The following ZNRF3 variants were observed in gnomAD, a reference collection of about 807,000 sequenced individuals.
ZNRF3 encodes zinc and ring finger 3.
Under a neutral mutation model 72.5 loss-of-function variants are expected in ZNRF3, and 23 were observed. That is an observed-to-expected ratio of 0.32 (90% CI 0.23 to 0.45). The LOEUF (loss-of-function observed/expected upper bound fraction) is 0.45, where lower values mean the gene tolerates loss of function less well. ZNRF3 is among the 20% of genes least tolerant of loss of function. The pLI is 1.00. For missense variants in ZNRF3, 1,169 were observed against 1,272.1 expected (o/e 0.92, Z 1.23); for synonymous variants, 610 against 545.3 (o/e 1.12, Z -1.65).
At chr22:28,987,653 A>G (rs1055868623) in intron 2 of ZNRF3, among the ~76,000 whole-genome samples, 10 of 152,226 alleles carry the variant, frequency 6.6e-5, no homozygotes, top group Non-Finnish European at 1.0e-4. Context: ...AACCAAACAC[A>G]TTCACATTTG....
intron 6 of ZNRF3, among the ~76,000 whole-genome samples, chr22:29,047,158 G>A (rs1029813773): frequency 2.6e-5 from 4 of 152,184 alleles, no homozygotes; most frequent in Non-Finnish European, 5.9e-5. Flanking sequence ...TTGGGAGGCT[G>A]AGGTGGAAGG....
At chr22:29,006,051 T>C (rs527367723) in intron 2 of ZNRF3, among the ~76,000 whole-genome samples, 2 of 151,258 alleles carry the variant, frequency 1.3e-5, no homozygotes, top group African/African-American at 2.4e-5. Context: ...AAAAAAAGAC[T>C]GTCCTCTGAA....
intron 1 of ZNRF3, among the ~76,000 whole-genome samples, chr22:28,940,681 A>G (rs1044369429): frequency 2.0e-5 from 3 of 152,096 alleles, no homozygotes; most frequent in Non-Finnish European, 4.4e-5. Flanking sequence ...CTCAACCTTC[A>G]GAAGGTTCAA....
At chr22:29,017,454 T>A (rs1001838969) in intron 2 of ZNRF3, among the ~76,000 whole-genome samples, 6 of 152,176 alleles carry the variant, frequency 3.9e-5, no homozygotes, top group Admixed American at 3.9e-4. Context: ...ATTTTTAAAT[T>A]GCAGGGAGGA....
chr22:29,049,769 A>T lies in ZNRF3; in HGVS notation c.1588A>T (p.Ser530Cys), dbSNP rs1374974176. 1 of 1,597,236 alleles carries T rather than the reference A, an allele frequency of 6.3e-7. No homozygotes were observed. Among genetic ancestry groups the T allele is most frequent in the African/African-American group, 1.3e-5 (1 of 74,666 alleles). ...HLESGSTSSF[S>C]CYHGHRSVCS... ...GGAGAGCGGCAGCACGTCCAGCTTCAGCTGCTATCACGGCCACCGCTCGGT... is the reference window on the plus strand; with the variant it reads ...GGAGAGCGGCAGCACGTCCAGCTTCTGCTGCTATCACGGCCACCGCTCGGT... Residue 530 changes from serine (S) to cysteine (C), a missense_variant, in exon 8 of 9, where the codon AGC (serine) becomes TGC (cysteine). Ser to Cys is a moderately radical substitution (Grantham distance 112, BLOSUM62 -1). Coordinates refer to ENST00000544604, the MANE Select transcript of ZNRF3 (RefSeq NM_001206998.2). This position sits in a 1 kb window ranked among gnomAD's most constrained non-coding sequence, Gnocchi z 5.2.
intron 1 of ZNRF3, among the ~76,000 whole-genome samples, chr22:28,952,181 T>A (rs533864117): frequency 2.6e-5 from 4 of 152,350 alleles, no homozygotes; most frequent in South Asian, 4.1e-4. Flanking sequence ...TTCGTGATAG[T>A]TTGGTTCTTG....
intron 1 of ZNRF3, among the ~76,000 whole-genome samples, chr22:28,885,930 CA>C (rs5844826): frequency 0.35 from 44,519 of 126,338 alleles, 6,833 homozygotes; most frequent in East Asian, 0.51. Flanking sequence ...TTAGCCTAGC[CA>C]AAAAAAAAAA....
chr22:28,967,351 G>A (rs986916801), intron 1 of ZNRF3, among the ~76,000 whole-genome samples: 11 of 152,088 alleles, frequency 7.2e-5, no homozygotes, highest in African/African-American at 1.2e-4. Context: ...TGTGTAGTAC[G>A]CTATTGCATC....
chr22:28,898,649 G>A, intron 1 of ZNRF3, among the ~76,000 whole-genome samples: 1 of 152,246 alleles, frequency 6.6e-6, no homozygotes, highest in Non-Finnish European at 1.5e-5. Context: ...ATGTATATGA[G>A]TCTTTACTTA....
chr22:28,949,315 C>A (rs1419288995), intron 1 of ZNRF3, among the ~76,000 whole-genome samples: 1 of 152,176 alleles, frequency 6.6e-6, no homozygotes, highest in African/African-American at 2.4e-5. Context: ...GACTCTGTTG[C>A]CCAGGCTGGA....
intron 1 of ZNRF3, among the ~76,000 whole-genome samples, chr22:28,911,981 T>G (rs894654589): frequency 6.6e-6 from 1 of 152,198 alleles, no homozygotes; most frequent in Non-Finnish European, 1.5e-5. Context: ...TGAGCCACAC[T>G]GGGATAAACT....
At chr22:28,914,947 G>A (rs2034383751) in intron 1 of ZNRF3, among the ~76,000 whole-genome samples, 1 of 152,120 alleles carries the variant, frequency 6.6e-6, no homozygotes, top group African/African-American at 2.4e-5. Context: ...GTGTATTAAT[G>A]GTAGGGCTTA....
chr22:29,027,185 C>A (rs997329179), intron 2 of ZNRF3, among the ~76,000 whole-genome samples: 1 of 152,066 alleles, frequency 6.6e-6, no homozygotes, highest in Admixed American at 6.6e-5. Context: ...ACCTCCAGCC[C>A]GGTTCCCATT....
At chr22:28,976,085 AG>A (rs1428794810) in intron 1 of ZNRF3, among the ~76,000 whole-genome samples, 1 of 152,244 alleles carries the variant, frequency 6.6e-6, no homozygotes, top group Non-Finnish European at 1.5e-5. Flanking sequence ...AAAATACATT[AG>A]TACTTTCTGC....
intron 1 of ZNRF3, among the ~76,000 whole-genome samples, chr22:28,937,101 A>T (rs1416773908): frequency 6.6e-6 from 1 of 150,420 alleles, no homozygotes; most frequent in Non-Finnish European, 1.5e-5. Context: ...TGCTGTTATT[A>T]TAAAATTGAG....
intron 1 of ZNRF3, among the ~76,000 whole-genome samples, chr22:28,938,419 C>T (rs2034880954): frequency 6.6e-6 from 1 of 152,142 alleles, no homozygotes; most frequent in Non-Finnish European, 1.5e-5. Flanking sequence ...ATTATTTGCC[C>T]TCCTTTGTGG....
chr22:29,009,015 C>A (rs978485838), intron 2 of ZNRF3, among the ~76,000 whole-genome samples: 4 of 152,118 alleles, frequency 2.6e-5, no homozygotes, highest in Non-Finnish European at 5.9e-5. Context: ...TGCCCTGGTC[C>A]CTTGATGTTC....
At chr22:28,943,142 A>G (rs1407806407) in intron 1 of ZNRF3, among the ~76,000 whole-genome samples, 1 of 152,162 alleles carries the variant, frequency 6.6e-6, no homozygotes, top group Non-Finnish European at 1.5e-5. Context: ...TCCACTGGGC[A>G]GCTGCTGCTG....
intron 1 of ZNRF3, among the ~76,000 whole-genome samples, chr22:28,913,749 C>T (rs1355811434): frequency 6.6e-6 from 1 of 152,132 alleles, no homozygotes; most frequent in African/African-American, 2.4e-5. Flanking sequence ...TTAAACAGTA[C>T]CACCGTCCAA....
Sources: allele counts gnomAD v4.1 joint callset (sites outside exome capture counted in the v4.1 genomes callset), GRCh38; gene constraint gnomAD v4.1.1; non-coding constraint Gnocchi (gnomAD v3.1); transcripts MANE v1.5; gene names NCBI Gene and HGNC (gene_info 2026-07-23, HGNC 2026-07-21).